Variants in SLC28A1 observed in about 807,000 individuals in gnomAD.
The protein encoded by SLC28A1 is solute carrier family 28 member 1, also known as sodium/nucleoside cotransporter 1.
In SLC28A1, 64 loss-of-function variants were observed where a neutral mutation model predicts 74.8. The observed-to-expected ratio is 0.86, with a 90% CI of 0.70 to 1.05. The LOEUF (loss-of-function observed/expected upper bound fraction) is 1.05. SLC28A1 is among the 50% of genes least tolerant of loss of function. The pLI is 0.00. For missense variants in SLC28A1, 828 were observed against 822.8 expected (o/e 1.01, Z -0.08); for synonymous variants, 359 against 335.0 (o/e 1.07, Z -0.78).
At chr15:84,921,872 C>T (rs1185579498) in intron 11 of SLC28A1, among the ~76,000 whole-genome samples, 4 of 152,122 alleles carry the variant, frequency 2.6e-5, no homozygotes, top group African/African-American at 9.7e-5. Context: ...AAGAGGAAAA[C>T]ACTATTAAAA....
chr15:84,906,362 G>A (rs1967108373), intron 8 of SLC28A1, among the ~76,000 whole-genome samples: 1 of 151,806 alleles, frequency 6.6e-6, no homozygotes, highest in South Asian at 2.1e-4. Context: ...TGACATCCAG[G>A]CTGAGTGCAG....
the SLC28A1 span, among the ~76,000 whole-genome samples, chr15:84,972,682 C>G: frequency 6.6e-6 from 1 of 152,180 alleles, no homozygotes; most frequent in Non-Finnish European, 1.5e-5. Context: ...TTTCAAAGAA[C>G]TTTTACTAAG....
the SLC28A1 span, among the ~76,000 whole-genome samples, chr15:84,959,707 G>C: frequency 6.6e-6 from 1 of 152,216 alleles, no homozygotes; most frequent in African/African-American, 2.4e-5. Context: ...TTTCATGTGA[G>C]TAATATCATT....
At chr15:84,921,935 C>T (rs1355761973) in intron 11 of SLC28A1, among the ~76,000 whole-genome samples, 1 of 152,166 alleles carries the variant, frequency 6.6e-6, no homozygotes, top group Non-Finnish European at 1.5e-5. Context: ...ATGTGTTTTG[C>T]TGGGAAAATA....
At chr15:84,952,652 G>A in the SLC28A1 span, among the ~76,000 whole-genome samples, 8 of 152,220 alleles carry the variant, frequency 5.3e-5, no homozygotes, top group African/African-American at 9.6e-5. Flanking sequence ...TTGGGAGGCC[G>A]AGGCAGGAGA....
At chr15:84,956,472 T>TTTCTTTCC in the SLC28A1 span, among the ~76,000 whole-genome samples, 2 of 77,646 alleles carry the variant, frequency 2.6e-5, no homozygotes, top group Non-Finnish European at 5.9e-5. Context: ...TCTTTCCTTC[T>TTTCTTTCC]TTCTTTCTTT....
At chr15:84,927,585 A>G (rs1050949784) in intron 12 of SLC28A1, among the ~76,000 whole-genome samples, 2 of 152,208 alleles carry the variant, frequency 1.3e-5, no homozygotes, top group African/African-American at 2.4e-5. Flanking sequence ...AGTAGGTCAG[A>G]TAATTTCTTT....
chr15:84,898,600 T>C (rs1966276598), intron 6 of SLC28A1, among the ~76,000 whole-genome samples: 1 of 143,860 alleles, frequency 7.0e-6, no homozygotes. Flanking sequence ...AAAAAATACA[T>C]GCATTTGATT....
intron 12 of SLC28A1, among the ~76,000 whole-genome samples, chr15:84,927,052 G>A (rs2141958956): frequency 6.6e-6 from 1 of 152,202 alleles, no homozygotes; most frequent in East Asian, 1.9e-4. Context: ...AAGTCCCCTT[G>A]GGCTCAGGGG....
chr15:84,904,055 G>T, intron 6 of SLC28A1, 42 bp from the exon 7 acceptor site: 1 of 1,613,894 alleles, frequency 6.2e-7, no homozygotes, highest in South Asian at 1.1e-5. Flanking sequence ...TGGGGTGGGG[G>T]TGCAATGCTG....
rs1262805113 is a variant in SLC28A1, at chr15:84,917,054, T to G, written c.796-1470T>G. ...AAAAAAAAAAAATAAATAAAAAAGG[T>G]AGGAACAGATGAGAAATTCAGAAAT... On this transcript the variant is annotated intron_variant, in intron 9 of 18. Transcript: ENST00000394573. 4.6e-4 allele frequency among the ~76,000 whole-genome samples: 60 copies of G among 130,912 alleles called. 4 individuals carry two copies. The highest frequency in any genetic ancestry group is 6.2e-4 in the Admixed American group (8 of 12,834). 85.9% of individuals were successfully genotyped at this position (130,912 alleles called of 152,430 possible).
At chr15:84,904,347 C>G in intron 7 of SLC28A1, 109 bp downstream of exon 7, 2 of 1,535,828 alleles carry the variant, frequency 1.3e-6, no homozygotes, top group Non-Finnish European at 8.9e-7. Context: ...TGGGAGAGCC[C>G]TGGAGGCTCA....
chr15:84,888,399 A>T (rs1202476376), intron 3 of SLC28A1, among the ~76,000 whole-genome samples: 1 of 127,262 alleles, frequency 7.9e-6, no homozygotes, highest in African/African-American at 2.9e-5. Context: ...AAGAATACCC[A>T]CCCCCCACCC....
the SLC28A1 span, among the ~76,000 whole-genome samples, chr15:84,950,867 A>C: frequency 6.6e-6 from 1 of 152,100 alleles, no homozygotes; most frequent in African/African-American, 2.4e-5. Context: ...TAAATATTTC[A>C]GCTTTCGTGG....
the SLC28A1 span, among the ~76,000 whole-genome samples, chr15:84,968,448 G>T: frequency 6.6e-6 from 1 of 152,200 alleles, no homozygotes; most frequent in East Asian, 1.9e-4. Context: ...CTCTACATGG[G>T]CCTCTCCTTA....
In SLC28A1 at chr15:84,944,671, G is replaced by A. The variant is rs776342533; in HGVS notation, c.1762+7G>A. The A allele has an allele frequency of 2.5e-6, 4 of 1,609,526 alleles. No individual in the cohort carries two copies. Among genetic ancestry groups the A allele is most frequent in the Non-Finnish European group, 2.6e-6 (3 of 1,175,764 alleles). On this transcript the variant is annotated splice_region_variant and intron_variant, in intron 17 of 18. Transcript: ENST00000394573. ...GTGAACGCCTGTATGGCAGGTGAGTGCAGGCCTGGCAGGCTCAGAAGGTGG... is the reference window on the plus strand; with the variant it reads ...GTGAACGCCTGTATGGCAGGTGAGTACAGGCCTGGCAGGCTCAGAAGGTGG...
At chr15:84,906,318 G>T (rs139981285) in intron 8 of SLC28A1, among the ~76,000 whole-genome samples, 2 of 151,672 alleles carry the variant, frequency 1.3e-5, no homozygotes, top group Admixed American at 1.3e-4. Context: ...CCACACCTGG[G>T]CCCATTTTGT....
intron 7 of SLC28A1, among the ~76,000 whole-genome samples, chr15:84,904,471 C>T (rs1228816680): frequency 1.3e-5 from 2 of 152,172 alleles, no homozygotes; most frequent in Admixed American, 6.5e-5. Context: ...CATTTGTTTC[C>T]TTGGTGACAT....
chr15:84,902,362 C>T (rs1300697666), intron 6 of SLC28A1, among the ~76,000 whole-genome samples: 1 of 152,034 alleles, frequency 6.6e-6, no homozygotes, highest in Non-Finnish European at 1.5e-5. Context: ...TCCCTGTAGT[C>T]CCAGCTACTT....
Sources: allele counts gnomAD v4.1 joint callset (sites outside exome capture counted in the v4.1 genomes callset), GRCh38; gene constraint gnomAD v4.1.1; transcripts MANE v1.5; gene names NCBI Gene and HGNC (gene_info 2026-07-23, HGNC 2026-07-21).